ARID3A: variants seen among roughly 807,000 people sequenced by gnomAD.
ARID3A encodes AT-rich interactive domain-containing protein 3A.
Under a neutral mutation model 52.7 loss-of-function variants are expected in ARID3A, and 11 were observed. That is an observed-to-expected ratio of 0.21 (90% CI 0.13 to 0.35). The LOEUF is 0.35. ARID3A is among the 10% of genes least tolerant of loss of function. The pLI is 1.00. For missense variants in ARID3A, 721 were observed against 838.5 expected, an observed-to-expected ratio of 0.86 and a Z score of 1.73; for synonymous variants, 404 against 359.4, an observed-to-expected ratio of 1.12 and a Z score of -1.40.
chr19:966,509 G>A (rs1229407695), intron 6 of ARID3A, 63 bp from the exon 7 acceptor site: 48 of 1,342,392 alleles, frequency 3.6e-5, no homozygotes, highest in Non-Finnish European at 4.8e-5. Context: ...GCATGTTCCT[G>A]CCTTGAGTGG....
intron 1 of ARID3A, among the ~76,000 whole-genome samples, chr19:927,150 C>T (rs1378479686): frequency 6.6e-6 from 1 of 152,128 alleles, no homozygotes; most frequent in Non-Finnish European, 1.5e-5. Flanking sequence ...AGGCCCGCGC[C>T]GAGCGGGTGA....
Position 964,339 on chromosome 19 carries a change from G to A in ARID3A, c.858G>A (p.Val286=), listed in dbSNP as rs1330050848. 2.5e-6 allele frequency: 4 copies of A among 1,614,000 alleles called. No homozygotes were observed. Among genetic ancestry groups the A allele is most frequent in the Non-Finnish European group, 8.5e-7 (1 of 1,180,010 alleles). The change falls in exon 5 of 9, where the codon GTG becomes GTA. Residue 286 remains valine, a synonymous_variant. Coordinates refer to ENST00000263620, the MANE Select transcript of ARID3A (RefSeq NM_005224.3). The surrounding 1 kb of genome is among the most constrained non-coding windows in gnomAD (Gnocchi z 5.7). The stretch of plus-strand genomic sequence containing the variant: ...TGGTGACGGAGAAGGGCGGCCTCGT[G>A]GAGGTCATCAACAAGAAGCTGTGGC... The part of the protein sequence containing the change: ...YVLVTEKGGL[V]EVINKKLWRE...
intron 3 of ARID3A, among the ~76,000 whole-genome samples, chr19:957,319 G>T (rs2037943093): frequency 6.6e-6 from 1 of 152,198 alleles, no homozygotes; most frequent in African/African-American, 2.4e-5. Context: ...AGGAGGACCG[G>T]GATGGGAAGC....
intron 3 of ARID3A, among the ~76,000 whole-genome samples, chr19:940,385 G>A (rs1474129136): frequency 6.6e-6 from 1 of 152,144 alleles, no homozygotes; most frequent in African/African-American, 2.4e-5. Flanking sequence ...TGGGCCGCGG[G>A]TCAGTCAAGC....
intron 1 of ARID3A, among the ~76,000 whole-genome samples, chr19:927,460 T>TC (rs1230448682): frequency 3.3e-5 from 5 of 151,044 alleles, no homozygotes; most frequent in African/African-American, 1.2e-4. Context: ...CCTGCTCCCC[T>TC]CCCCCACCCG....
In ARID3A at chr19:973,103, A is replaced by ATTTTTTTTTTTTTTTTTTTTTT. The variant is rs1568378193; in HGVS notation, c.*1038_*1039insTTTTTTTTTTTTTTTTTTTTTT. ...TGGGCTCTCGAGTCAGGGGCCTGGA[A>ATTTTTTTTTTTTTTTTTTTTTT]ATTTTTTTTTTTTTTTTTTTTTGAG... On this transcript the variant is annotated 3_prime_UTR_variant, in exon 9 of 9. Transcript: ENST00000263620. The ATTTTTTTTTTTTTTTTTTTTTT allele has an allele frequency of 7.1e-5, 1 of 13,990 alleles. No individual in the cohort carries two copies. The highest frequency in any genetic ancestry group is 1.7e-4 in the African/African-American group (1 of 5,850). The allele number at this position is 13,990 out of a possible 1,614,324, so 0.9% of individuals were successfully genotyped here. A position where few individuals can be genotyped will look rare whatever the true frequency, so the allele number is the denominator to read the frequency against.
chr19:934,731 C>T (rs1446385699), intron 3 of ARID3A, among the ~76,000 whole-genome samples: 2 of 151,802 alleles, frequency 1.3e-5, no homozygotes, highest in African/African-American at 2.4e-5. Context: ...TAGGGATGGT[C>T]GTGGGCAGCG....
Position 941,025 on chromosome 19 carries a change from C to T in ARID3A, c.693+8283C>T, listed in dbSNP as rs1303087804. On this transcript the variant is annotated intron_variant, in intron 3 of 8. Transcript: ENST00000263620. The surrounding 1 kb of genome is among the most constrained non-coding windows in gnomAD (Gnocchi z 6.9). ...GCCTTATCTGGCCCCTGCGCCACCG[C>T]CTGGCCGTCGGGTCACCGCCGCGGG... Among the ~76,000 whole-genome samples, 1 of 152,090 alleles carries T rather than the reference C, an allele frequency of 6.6e-6. No homozygotes were observed. The highest frequency in any genetic ancestry group is 1.5e-5 in the Non-Finnish European group (1 of 67,992).
In ARID3A at chr19:942,843, T is replaced by C. The variant is rs1193961357; in HGVS notation, c.693+10101T>C. 6.6e-6 allele frequency among the ~76,000 whole-genome samples: 1 copy of C among 152,090 alleles called. No individual in the cohort carries two copies. The highest frequency in any genetic ancestry group is 1.5e-5 in the Non-Finnish European group (1 of 68,010). On this transcript the variant is annotated intron_variant, in intron 3 of 8. Coordinates refer to ENST00000263620, the MANE Select transcript of ARID3A (RefSeq NM_005224.3). The surrounding 1 kb of genome is among the most constrained non-coding windows in gnomAD (Gnocchi z 8.1). ...AACCCGCCTTCCGGGAGGAGCCCCG[T>C]CTGGATTGGATGGCATCGCCCAAAA... is the stretch of plus-strand genomic sequence containing the variant.
chr19:937,699 CTTTTTTT>C (rs951435776), intron 3 of ARID3A, among the ~76,000 whole-genome samples: 65 of 90,798 alleles, frequency 7.2e-4, no homozygotes, highest in African/African-American at 2.9e-3. Context: ...TTATTGTCGA[CTTTTTTT>C]TTTTTTTTTT....
At position 942,190 on chromosome 19, in the gene ARID3A, C is replaced by T. The variant is rs1463828373; in HGVS notation, c.693+9448C>T. On this transcript the variant is annotated intron_variant, in intron 3 of 8. Coordinates refer to ENST00000263620, the MANE Select transcript of ARID3A (RefSeq NM_005224.3). This position sits in a 1 kb window ranked among gnomAD's most constrained non-coding sequence, Gnocchi z 8.1. Reference sequence around the variant, plus strand: ...GGTGCACCCCCACCCTCTCCGACCCCGAGGAGCTGCCGGCAGAGCCCTGTC... The same window carrying T: ...GGTGCACCCCCACCCTCTCCGACCCTGAGGAGCTGCCGGCAGAGCCCTGTC... Among the ~76,000 whole-genome samples, 3 of 152,136 alleles carry T rather than the reference C, an allele frequency of 2.0e-5. No homozygotes were observed. Among genetic ancestry groups the T allele is most frequent in the Admixed American group, 1.3e-4 (2 of 15,286 alleles).
In ARID3A at chr19:968,467, A is replaced by G. The variant is rs1434997315; in HGVS notation, c.1558A>G (p.Ser520Gly). 1 of 1,614,046 alleles carries G rather than the reference A, an allele frequency of 6.2e-7. No individual in the cohort carries two copies. Among genetic ancestry groups the G allele is most frequent in the East Asian group, 2.2e-5 (1 of 44,878 alleles). The change falls in exon 8 of 9, where the codon AGC becomes GGC. Residue 520 changes from serine to glycine, a missense_variant. Physicochemically the swap from Ser to Gly is moderately conservative, Grantham distance 56 (BLOSUM62 0). Coordinates refer to ENST00000263620, the MANE Select transcript of ARID3A (RefSeq NM_005224.3). The stretch of plus-strand genomic sequence containing the variant: ...GGGCACCAACGGCAGCAACAGCATC[A>G]GCATGTCGGTGGAGATCAACGGCAT... ...LTGTNGSNSI[S>G]MSVEINGIMY...
rs769705367 is a variant in ARID3A at position 972,032 on chromosome 19, C to T, written c.1749C>T (p.Pro583=). ...GQAGPAGLST[P]STSTSNNSLP The stretch of plus-strand genomic sequence containing the variant: ...CTGGGCCAGCGGGGCTGTCCACACC[C>T]TCCACATCTACCTCAAATAACTCGT... Residue 583 remains proline (P), a synonymous_variant, in exon 9 of 9, where the codon CCC becomes CCT. Transcript: ENST00000263620. 3 of 1,586,138 alleles carry T rather than the reference C, an allele frequency of 1.9e-6. No individual in the cohort carries two copies. The highest frequency in any genetic ancestry group is 1.1e-5 in the South Asian group (1 of 88,980).
In ARID3A at chr19:941,459, G is replaced by A. The variant is rs529780493; in HGVS notation, c.693+8717G>A. 4.6e-5 allele frequency among the ~76,000 whole-genome samples: 7 copies of A among 152,218 alleles called. No homozygotes were observed. The highest frequency in any genetic ancestry group is 1.7e-4 in the African/African-American group (7 of 41,454). ...GCGCCCGCCTGCGTGTCCCCAGCCA[G>A]CACCACGGTGTTCGTTTAGGTCTCT... On this transcript the variant is annotated intron_variant, in intron 3 of 8. Transcript: ENST00000263620. The surrounding 1 kb of genome is among the most constrained non-coding windows in gnomAD (Gnocchi z 6.9).
At chr19:968,968 C>T (rs187210615) in intron 8 of ARID3A, among the ~76,000 whole-genome samples, 249 of 151,190 alleles carry the variant, frequency 1.6e-3, no homozygotes, top group South Asian at 0.011. Flanking sequence ...CCAGCATTTT[C>T]GGAGGCTGAG....
intron 3 of ARID3A, among the ~76,000 whole-genome samples, chr19:943,176 G>T (rs558330230): frequency 2.0e-5 from 3 of 151,542 alleles, no homozygotes; most frequent in Non-Finnish European, 2.9e-5. Context: ...CAGGAGGATT[G>T]CTTGAGCCCA....
chr19:968,667 G>T (rs2038214364), intron 8 of ARID3A, 164 bp downstream of exon 8: 3 of 615,938 alleles, frequency 4.9e-6, no homozygotes, highest in African/African-American at 1.9e-5. Context: ...TGATGGAGAG[G>T]ATACCATCGT....
chr19:930,548 C>A, intron 2 of ARID3A, among the ~76,000 whole-genome samples: 1 of 143,644 alleles, frequency 7.0e-6, no homozygotes, highest in Non-Finnish European at 1.5e-5. Flanking sequence ...TTGCTCTTTT[C>A]GCCCAGGCTG....
chr19:940,981 C>T (rs943565069), intron 3 of ARID3A, among the ~76,000 whole-genome samples: 5 of 152,100 alleles, frequency 3.3e-5, no homozygotes, highest in East Asian at 1.9e-4. Flanking sequence ...CCAGGAGCGT[C>T]GCTGACTCAG....
Sources: gnomAD v4.1 joint callset for allele counts (sites outside exome capture counted in the v4.1 genomes callset) on GRCh38, gnomAD v4.1.1 for gene constraint, Gnocchi (gnomAD v3.1) non-coding constraint, MANE v1.5 for transcripts, NCBI Gene and HGNC (gene_info 2026-07-23, HGNC 2026-07-21) for gene names.